The following SH2D4B variants were observed in gnomAD, a reference collection of about 807,000 sequenced individuals.
The protein encoded by SH2D4B is SH2 domain containing 4B, also known as SH2 domain-containing protein 4B.
A neutral mutation model predicts 61.5 loss-of-function variants in SH2D4B; 45 were observed. The ratio of observed to expected loss-of-function variants is 0.73; its 90% CI spans 0.58 to 0.94. The LOEUF (loss-of-function observed/expected upper bound fraction) is 0.94. Ranked by LOEUF, SH2D4B falls within the 40% of genes least tolerant of loss-of-function variation. The pLI is 0.00. For missense variants in SH2D4B, 572 were observed against 574.2 expected, an observed-to-expected ratio of 1.00 and a Z score of 0.04; for synonymous variants, 224 against 220.4, an observed-to-expected ratio of 1.02 and a Z score of -0.14.
intron 1 of SH2D4B, among the ~76,000 whole-genome samples, chr10:80,555,853 T>TAAGAACAGGCGTGTTC (rs1370752014): frequency 2.6e-5 from 4 of 152,086 alleles, no homozygotes; most frequent in Non-Finnish European, 5.9e-5. Context: ...CAGGTGGGTT[T>TAAGAACAGGCGTGTTC]AAGAACAGGC....
intron 6 of SH2D4B, among the ~76,000 whole-genome samples, chr10:80,609,980 G>C (rs1462148148): frequency 6.6e-6 from 1 of 152,222 alleles, no homozygotes; most frequent in African/African-American, 2.4e-5. Flanking sequence ...GAAGAGGTCA[G>C]TGTCACCCAA....
Position 80,577,211 on chromosome 10 carries a change from G to C in SH2D4B, c.495+5633G>C, listed in dbSNP as rs549035385. 8.5e-5 allele frequency among the ~76,000 whole-genome samples: 13 copies of C among 152,322 alleles called. No homozygotes were observed. The South Asian group carries it at 2.3e-3, about 27-fold the overall frequency. On this transcript the variant is annotated intron_variant, in intron 3 of 7. Transcript: ENST00000646907. Reference sequence around the variant, plus strand: ...TAAGGAAACCCAAGTTAGCCATGCAGAGAGGAAGAGGCTACATGGAGAGGC... The same window carrying C: ...TAAGGAAACCCAAGTTAGCCATGCACAGAGGAAGAGGCTACATGGAGAGGC...
intron 1 of SH2D4B, among the ~76,000 whole-genome samples, chr10:80,544,145 T>A (rs1413599640): frequency 1.3e-5 from 2 of 152,136 alleles, no homozygotes; most frequent in Non-Finnish European, 2.9e-5. Flanking sequence ...ACTGCCTTTA[T>A]GAGCTGTAAC....
intron 3 of SH2D4B, among the ~76,000 whole-genome samples, chr10:80,576,043 TG>T (rs1842121614): frequency 6.6e-6 from 1 of 152,218 alleles, no homozygotes; most frequent in African/African-American, 2.4e-5. Flanking sequence ...CTTTCCCACA[TG>T]GGGGCTGAGC....
At chr10:80,584,137 A>G (rs1842215937) in intron 3 of SH2D4B, among the ~76,000 whole-genome samples, 1 of 152,260 alleles carries the variant, frequency 6.6e-6, no homozygotes, top group Non-Finnish European at 1.5e-5. Context: ...ATTTCCAGAC[A>G]AGACTCAGAA....
intron 7 of SH2D4B, 90 bp downstream of exon 7, chr10:80,634,595 C>T (rs1205674312): frequency 6.7e-7 from 1 of 1,499,752 alleles, no homozygotes; most frequent in Non-Finnish European, 8.9e-7. Context: ...AGCAAGGCTG[C>T]TGGCTCTGGG....
At chr10:80,576,512 CTGAGA>C (rs1448955437) in intron 3 of SH2D4B, among the ~76,000 whole-genome samples, 2 of 152,164 alleles carry the variant, frequency 1.3e-5, no homozygotes, top group Admixed American at 1.3e-4. Context: ...GGTTCATGAG[CTGAGA>C]TATCTTCTGT....
At chr10:80,584,562 T>C (rs1325262214) in intron 3 of SH2D4B, among the ~76,000 whole-genome samples, 1 of 152,238 alleles carries the variant, frequency 6.6e-6, no homozygotes, top group African/African-American at 2.4e-5. Context: ...AACATATCAT[T>C]ATTTAAGAGG....
chr10:80,564,197 T>C (rs1199497301), intron 1 of SH2D4B, among the ~76,000 whole-genome samples: 1 of 152,244 alleles, frequency 6.6e-6, no homozygotes, highest in Admixed American at 6.5e-5. Flanking sequence ...TTATTCTTTT[T>C]ATGTCTTGTA....
chr10:80,552,035 C>T lies in SH2D4B; in HGVS notation c.184+13520C>T, dbSNP rs150708579. ...TCTCTGGCCTCTTCTTATAAAGGCA[C>T]TAATCCCATTCATGAAAGTTCCATT... On this transcript the variant is annotated intron_variant, in intron 1 of 7. Coordinates refer to ENST00000646907, the MANE Select transcript of SH2D4B (RefSeq NM_001388272.1). Among the ~76,000 whole-genome samples, 5 of 152,290 alleles carry T rather than the reference C, an allele frequency of 3.3e-5. No individual in the cohort carries two copies. In the East Asian group the frequency reaches 9.6e-4, roughly 29 times the overall value.
chr10:80,608,790 C>T (rs1054906738), intron 5 of SH2D4B, among the ~76,000 whole-genome samples: 3 of 152,088 alleles, frequency 2.0e-5, no homozygotes, highest in African/African-American at 7.2e-5. Flanking sequence ...TTTTTATTTT[C>T]TGGGCAGGGA....
intron 3 of SH2D4B, among the ~76,000 whole-genome samples, chr10:80,585,179 G>C (rs890640837): frequency 1.3e-5 from 2 of 152,164 alleles, no homozygotes; most frequent in African/African-American, 2.4e-5. Context: ...CTCTCTCTCT[G>C]AGACTTTATC....
chr10:80,557,946 A>T (rs925293526), intron 1 of SH2D4B, among the ~76,000 whole-genome samples: 1 of 152,124 alleles, frequency 6.6e-6, no homozygotes, highest in African/African-American at 2.4e-5. Flanking sequence ...GATTTGAAAC[A>T]TTCCTTTCTA....
intron 1 of SH2D4B, among the ~76,000 whole-genome samples, chr10:80,559,250 A>C (rs375914821): frequency 1.1e-4 from 16 of 152,102 alleles, no homozygotes; most frequent in Admixed American, 1.0e-3. Flanking sequence ...AATATCTCAA[A>C]TTGAAAATTA....
intron 3 of SH2D4B, among the ~76,000 whole-genome samples, chr10:80,572,959 TATATATATATATATATATATATATA>T (rs1564771871): frequency 0.03 from 233 of 7,682 alleles, 7 homozygotes; most frequent in Non-Finnish European, 0.041. Flanking sequence ...TATATATATA[TATATATATATATATATATATATATA>T]TATTTTTTTT....
chr10:80,629,854 C>CA (rs1400481708), intron 6 of SH2D4B, among the ~76,000 whole-genome samples: 2 of 152,190 alleles, frequency 1.3e-5, no homozygotes, highest in African/African-American at 4.8e-5. Flanking sequence ...CACCTGCTCT[C>CA]AAGGCTACCC....
intron 1 of SH2D4B, among the ~76,000 whole-genome samples, chr10:80,565,836 A>C (rs1481980476): frequency 6.6e-6 from 1 of 152,176 alleles, no homozygotes; most frequent in East Asian, 1.9e-4. Flanking sequence ...CACGCCTGTA[A>C]TCCCAGCACT....
intron 3 of SH2D4B, among the ~76,000 whole-genome samples, chr10:80,588,076 C>T (rs2138287): frequency 0.14 from 21,896 of 152,092 alleles, 1,664 homozygotes; most frequent in East Asian, 0.25. Context: ...CTACTGCTTG[C>T]GGCACAGAAA....
At chr10:80,570,091 C>G in intron 1 of SH2D4B, 63 bp from the exon 2 acceptor site, 3 of 1,594,884 alleles carry the variant, frequency 1.9e-6, no homozygotes, top group Non-Finnish European at 2.6e-6. Context: ...CACTGGGCAG[C>G]TTAGGTCATT....
Sources: allele counts gnomAD v4.1 joint callset (sites outside exome capture counted in the v4.1 genomes callset), GRCh38; gene constraint gnomAD v4.1.1; transcripts MANE v1.5; gene names NCBI Gene and HGNC (gene_info 2026-07-23, HGNC 2026-07-21).